PLEKHA2: variants seen among roughly 807,000 people sequenced by gnomAD.
PLEKHA2 encodes the protein pleckstrin homology domain-containing family A member 2.
In PLEKHA2, 28 loss-of-function variants were observed where a neutral mutation model predicts 53.2. The observed-to-expected ratio is 0.53, with a 90% CI of 0.39 to 0.72. The LOEUF is 0.72. Among genes scored for constraint, PLEKHA2 ranks in the 30% least tolerant of loss-of-function variants. PLEKHA2 has a pLI of 0.00. For missense variants in PLEKHA2, 426 were observed against 537.9 expected, an observed-to-expected ratio of 0.79 and a Z score of 2.06; for synonymous variants, 193 against 196.4, an observed-to-expected ratio of 0.98 and a Z score of 0.14.
At chr8:38,903,840 C>T (rs1337906789) in intron 1 of PLEKHA2, among the ~76,000 whole-genome samples, 1 of 152,154 alleles carries the variant, frequency 6.6e-6, no homozygotes, top group Non-Finnish European at 1.5e-5. Context: ...AGACCTAGGG[C>T]TTGGAAAAGA....
chr8:38,920,794 T>A (rs895724089), intron 2 of PLEKHA2, among the ~76,000 whole-genome samples: 7 of 151,612 alleles, frequency 4.6e-5, no homozygotes, highest in African/African-American at 1.7e-4. Context: ...GAACTCCTGG[T>A]TTCTTTTTTT....
chr8:38,946,666 C>T (rs1040035372), intron 5 of PLEKHA2, among the ~76,000 whole-genome samples: 1 of 152,192 alleles, frequency 6.6e-6, no homozygotes, highest in Non-Finnish European at 1.5e-5. Flanking sequence ...CATCCGCCTC[C>T]CTGTCCTAGA....
In PLEKHA2 at chr8:38,952,683, C is replaced by T; in HGVS notation, c.681C>T (p.Ile227=). ...RRFFALDDFT[I]CYFKCEQDRE... ...TCTTTGCACTTGATGACTTTACCATCTGCTACTTCAAGTGTGAGCAGGTTT... is the reference window on the plus strand; with the variant it reads ...TCTTTGCACTTGATGACTTTACCATTTGCTACTTCAAGTGTGAGCAGGTTT... Residue 227 remains isoleucine (I), a synonymous_variant, in exon 8 of 12, where the codon ATC becomes ATT. Coordinates refer to ENST00000617275, the MANE Select transcript of PLEKHA2 (RefSeq NM_021623.2). 6.2e-7 allele frequency: 1 copy of T among 1,612,194 alleles called. No homozygotes were observed. The highest frequency in any genetic ancestry group is 1.1e-5 in the South Asian group (1 of 91,080).
In PLEKHA2 at chr8:38,909,925, C is replaced by T. The variant is rs79550118; in HGVS notation, c.-23-7982C>T. On this transcript the variant is annotated intron_variant, in intron 1 of 11. Coordinates refer to ENST00000617275, the MANE Select transcript of PLEKHA2 (RefSeq NM_021623.2). Reference sequence around the variant, plus strand: ...ACTTAGAAATCTGGATCATATAAAACTTCCCACTTTTTGTTTTTCTTTTCA... The same window carrying T: ...ACTTAGAAATCTGGATCATATAAAATTTCCCACTTTTTGTTTTTCTTTTCA... 2.3e-3 allele frequency among the ~76,000 whole-genome samples: 344 copies of T among 151,920 alleles called. 6 individuals carry two copies. The highest frequency in any genetic ancestry group is 0.018 in the Admixed American group (279 of 15,236).
intron 2 of PLEKHA2, among the ~76,000 whole-genome samples, chr8:38,918,421 A>G (rs1382856593): frequency 6.7e-6 from 1 of 148,480 alleles, no homozygotes; most frequent in Non-Finnish European, 1.5e-5. Flanking sequence ...ACATACACAC[A>G]CCACACACAC....
Position 38,952,681 on chromosome 8 carries a change from A to G in PLEKHA2, c.679A>G (p.Ile227Val), listed in dbSNP as rs1297722729. 2 of 1,612,118 alleles carry G rather than the reference A, an allele frequency of 1.2e-6. No homozygotes were observed. The highest frequency in any genetic ancestry group is 1.7e-6 in the Non-Finnish European group (2 of 1,179,808). ...RRFFALDDFT[I>V]CYFKCEQDRE... ...CTTCTTTGCACTTGATGACTTTACC[A>G]TCTGCTACTTCAAGTGTGAGCAGGT... Residue 227 changes from isoleucine (I) to valine (V), a missense_variant, in exon 8 of 12, where the codon ATC (isoleucine) becomes GTC (valine). Coordinates refer to ENST00000617275, the MANE Select transcript of PLEKHA2 (RefSeq NM_021623.2).
rs201063067 is a variant in PLEKHA2, at chr8:38,949,225, C to CT, written c.346-1612dup. 2.8e-3 allele frequency among the ~76,000 whole-genome samples: 408 copies of CT among 145,274 alleles called. 1 individual carries two copies. The highest frequency in any genetic ancestry group is 7.1e-3 in the Middle Eastern group (2 of 282). ...TAAATGACTCAACTGTTCTGGACCT[C>CT]TTTTTTTTTTTTTCTTTCTAACAAA... On this transcript the variant is annotated intron_variant, in intron 5 of 11. Transcript: ENST00000617275.
chr8:38,943,048 T>C (rs1287418394), intron 3 of PLEKHA2, among the ~76,000 whole-genome samples: 2 of 152,152 alleles, frequency 1.3e-5, no homozygotes, highest in Non-Finnish European at 2.9e-5. Flanking sequence ...TTGGAATCCA[T>C]GCATTTGTAG....
At chr8:38,953,516 AT>A in intron 9 of PLEKHA2, 149 bp downstream of exon 9, 1 of 811,164 alleles carries the variant, frequency 1.2e-6, no homozygotes, top group South Asian at 1.6e-5. Context: ...GACTCACTGC[AT>A]CCAAGCTAAC....
intron 2 of PLEKHA2, among the ~76,000 whole-genome samples, chr8:38,933,672 T>A (rs1241862864): frequency 6.6e-6 from 1 of 151,440 alleles, no homozygotes; most frequent in Non-Finnish European, 1.5e-5. Flanking sequence ...CTCATTCCCT[T>A]CTAAGGCAGT....
At chr8:38,928,236 CTTTTTTTTTTT>C (rs11414317) in intron 2 of PLEKHA2, among the ~76,000 whole-genome samples, 6 of 110,130 alleles carry the variant, frequency 5.4e-5, no homozygotes, top group Non-Finnish European at 1.1e-4. Context: ...CTGACCTGGT[CTTTTTTTTTTT>C]TTTTTTTTTC....
At chr8:38,949,017 C>T (rs1044362554) in intron 5 of PLEKHA2, among the ~76,000 whole-genome samples, 2 of 152,032 alleles carry the variant, frequency 1.3e-5, no homozygotes, top group Non-Finnish European at 2.9e-5. Flanking sequence ...GTTACAGGTG[C>T]CCGCCACTAC....
At position 38,973,856 on chromosome 8, in the gene PLEKHA2, AT is replaced by A. The variant is rs756987452; in HGVS notation, c.*4077del. The A allele has an allele frequency of 1.7e-5, 4 of 238,684 alleles. No individual in the cohort carries two copies. The highest frequency in any genetic ancestry group is 3.2e-5 in the Non-Finnish European group (4 of 123,542). 14.8% of individuals were successfully genotyped at this position (238,684 alleles called of 1,614,324 possible). On this transcript the variant is annotated 3_prime_UTR_variant, in exon 12 of 12. Transcript: ENST00000617275. ...ATCTCCTAATTGGTATGTAGCAAAAATTTTCTAAAACTGTTTTGTGGCTTGT... is the reference window on the plus strand; with the variant it reads ...ATCTCCTAATTGGTATGTAGCAAAAATTTCTAAAACTGTTTTGTGGCTTGT...
At position 38,957,377 on chromosome 8, in the gene PLEKHA2, C is replaced by T; in HGVS notation, c.828C>T (p.Phe276=). 6.2e-7 allele frequency: 1 copy of T among 1,612,626 alleles called. No individual in the cohort carries two copies. Among genetic ancestry groups the T allele is most frequent in the Non-Finnish European group, 8.5e-7 (1 of 1,178,690 alleles). ...AAATAATAACAAGCTCCAGGACCTT[C>T]TACGTACAGGTAAAATGCTCCCTTC... ...LFEIITSSRT[F]YVQADSPEDM... is the part of the protein sequence containing the mutation. Residue 276 remains phenylalanine, a synonymous_variant, in exon 10 of 12, where the codon TTC becomes TTT. Transcript: ENST00000617275.
At chr8:38,941,633 G>A (rs1834614669) in intron 3 of PLEKHA2, among the ~76,000 whole-genome samples, 1 of 152,154 alleles carries the variant, frequency 6.6e-6, no homozygotes, top group Admixed American at 6.5e-5. Context: ...GTGGGACACT[G>A]CCTGTGTTGA....
chr8:38,929,881 AT>A (rs140767213), intron 2 of PLEKHA2, among the ~76,000 whole-genome samples: 9,692 of 152,216 alleles, frequency 0.064, 404 homozygotes, highest in East Asian at 0.18. Flanking sequence ...TTATGGATCG[AT>A]AGTTGGGTCT....
intron 10 of PLEKHA2, among the ~76,000 whole-genome samples, chr8:38,966,625 C>A (rs1835141405): frequency 1.3e-5 from 2 of 152,276 alleles, no homozygotes; most frequent in South Asian, 4.1e-4. Context: ...GGAGTTTCCT[C>A]CCTTTTTTCA....
chr8:38,934,086 C>T (rs1244707661), intron 2 of PLEKHA2, among the ~76,000 whole-genome samples: 1 of 151,810 alleles, frequency 6.6e-6, no homozygotes, highest in South Asian at 2.1e-4. Context: ...TAGAAGGACT[C>T]TTCCCTAACA....
At chr8:38,924,975 T>C (rs935171111) in intron 2 of PLEKHA2, among the ~76,000 whole-genome samples, 3 of 152,266 alleles carry the variant, frequency 2.0e-5, no homozygotes, top group African/African-American at 7.2e-5. Context: ...ATTTGGCTAA[T>C]GCATTTAAAA....
Sources: gnomAD v4.1 joint callset for allele counts (sites outside exome capture counted in the v4.1 genomes callset) on GRCh38, gnomAD v4.1.1 for gene constraint, MANE v1.5 for transcripts, NCBI Gene and HGNC (gene_info 2026-07-23, HGNC 2026-07-21) for gene names.